The following RTN2 variants were observed in gnomAD, a reference collection of about 807,000 sequenced individuals.
The protein encoded by RTN2 is reticulon-2.
Under a neutral mutation model 63.7 loss-of-function variants are expected in RTN2, and 36 were observed. That is an observed-to-expected ratio of 0.56 (90% CI 0.43 to 0.75). The LOEUF (loss-of-function observed/expected upper bound fraction) is 0.75. RTN2 is among the 30% of genes least tolerant of loss of function. The pLI, the probability that RTN2 is intolerant of heterozygous loss-of-function variation, is 0.00. For synonymous variants in RTN2, 312 were observed against 313.0 expected (o/e 1.00, Z 0.03); for missense variants, 673 against 705.1 (o/e 0.95, Z 0.52).
intron 9 of RTN2, among the ~76,000 whole-genome samples, chr19:45,487,907 C>T (rs1421602981): frequency 6.9e-6 from 1 of 144,978 alleles, no homozygotes; most frequent in Non-Finnish European, 1.5e-5. Flanking sequence ...CGTGCCACTG[C>T]ACTCCAGTCT....
intron 5 of RTN2, among the ~76,000 whole-genome samples, chr19:45,491,923 T>C (rs35025952): frequency 0.63 from 94,897 of 151,740 alleles, 29,888 homozygotes; most frequent in East Asian, 0.77. Flanking sequence ...GCCACCGCGC[T>C]CGGTCATATA....
rs774929307 is a variant in RTN2, at chr19:45,495,131, G to C, written c.43C>G (p.Pro15Ala). Residue 15 changes from proline to alanine, a missense_variant, in exon 2 of 11, where the codon CCG (proline) becomes GCG (alanine). Coordinates refer to ENST00000245923, the MANE Select transcript of RTN2 (RefSeq NM_005619.5). ...TCAGGAGTTGAGGAGGCTGTAGACG[G>C]AGCTTCTTCTGCGAGAGGGAAAGAA... ...LPVFAHCKEAPSTASSTPDST... is the reference protein window; with the variant it reads ...LPVFAHCKEAASTASSTPDST... 6.2e-7 allele frequency: 1 copy of C among 1,614,082 alleles called. No individual in the cohort carries two copies.
chr19:45,495,911 A>T (rs921541164), intron 1 of RTN2, among the ~76,000 whole-genome samples: 2 of 152,168 alleles, frequency 1.3e-5, no homozygotes, highest in Non-Finnish European at 2.9e-5. Flanking sequence ...GAATGTTGGG[A>T]TGATACTCGA....
At chr19:45,489,651 A>T (rs1599908508) in intron 5 of RTN2, 98 bp from the exon 6 acceptor site, 8 of 714,600 alleles carry the variant, frequency 1.1e-5, no homozygotes. Flanking sequence ...TTCTCGACAC[A>T]CCTGTTTGAG....
At chr19:45,488,782 C>A in intron 7 of RTN2, 66 bp downstream of exon 7, 1 of 1,592,924 alleles carries the variant, frequency 6.3e-7, no homozygotes, top group Non-Finnish European at 8.5e-7. Flanking sequence ...AACAGTCGCC[C>A]TCCCACCCCC....
intron 5 of RTN2, 92 bp from the exon 6 acceptor site, chr19:45,489,645 C>T (rs960692632): frequency 7.9e-5 from 65 of 824,812 alleles, no homozygotes; most frequent in South Asian, 5.9e-4. Flanking sequence ...AATGACTTCT[C>T]GACACACCTG....
chr19:45,485,423 G>C lies in RTN2; in HGVS notation c.*285C>G, dbSNP rs564911299. The C allele has an allele frequency of 4.7e-5, 21 of 444,062 alleles. No homozygotes were observed. Among genetic ancestry groups the C allele is most frequent in the African/African-American group, 3.9e-4 (20 of 51,170 alleles). 27.5% of individuals were successfully genotyped at this position (444,062 alleles called of 1,614,324 possible). A position where few individuals can be genotyped will look rare whatever the true frequency, so the allele number is the denominator to read the frequency against. On this transcript the variant is annotated 3_prime_UTR_variant, in exon 11 of 11. Coordinates refer to ENST00000245923, the MANE Select transcript of RTN2 (RefSeq NM_005619.5). Reference sequence around the variant, plus strand: ...CGCCTCACGGCGCCTCCAGCGGCGGGTCCGGAAGTGCAGGGTGGTGCCCTG... The same window carrying C: ...CGCCTCACGGCGCCTCCAGCGGCGGCTCCGGAAGTGCAGGGTGGTGCCCTG...
At chr19:45,485,868 G>A in intron 10 of RTN2, 79 bp from the exon 11 acceptor site, 3 of 1,312,574 alleles carry the variant, frequency 2.3e-6, no homozygotes, top group Non-Finnish European at 3.3e-6. Flanking sequence ...GGAAAGCTGG[G>A]TGGGAAACTG....
intron 9 of RTN2, among the ~76,000 whole-genome samples, chr19:45,487,583 GTTTTT>G (rs4031036): frequency 9.5e-6 from 1 of 105,754 alleles, no homozygotes; most frequent in Non-Finnish European, 1.9e-5. Context: ...TTATTTTTTG[GTTTTT>G]TTTTTTTTTT....
At chr19:45,490,221 C>G (rs1968123974) in intron 5 of RTN2, among the ~76,000 whole-genome samples, 1 of 151,824 alleles carries the variant, frequency 6.6e-6, no homozygotes, top group South Asian at 2.1e-4. Context: ...AGGCTGGTCT[C>G]GAACTCCTGA....
In RTN2 at chr19:45,485,623, G is replaced by T; in HGVS notation, c.*85C>A. 3 of 1,086,692 alleles carry T rather than the reference G, an allele frequency of 2.8e-6. No individual in the cohort carries two copies. Among genetic ancestry groups the T allele is most frequent in the South Asian group, 2.5e-5 (2 of 79,670 alleles). The allele number at this position is 1,086,692 out of a possible 1,614,324, so 67.3% of individuals were successfully genotyped here. A position where few individuals can be genotyped will look rare whatever the true frequency, so the allele number is the denominator to read the frequency against. On this transcript the variant is annotated 3_prime_UTR_variant, in exon 11 of 11. Coordinates refer to ENST00000245923, the MANE Select transcript of RTN2 (RefSeq NM_005619.5). Reference sequence around the variant, plus strand: ...GGAAAAGGCTCGGGCCGAGGAGGGGGGTGGGTGGGAACGGACAAGAGATGG... The same window carrying T: ...GGAAAAGGCTCGGGCCGAGGAGGGGTGTGGGTGGGAACGGACAAGAGATGG...
chr19:45,493,042 T>G lies in RTN2; in HGVS notation c.1033+118A>C, dbSNP rs2239376. 167,455 of 1,056,180 alleles carry G rather than the reference T, an allele frequency of 0.16. 14,165 individuals are homozygous for G. Among genetic ancestry groups the G allele is most frequent in the South Asian group, 0.23 (18,502 of 78,870 alleles). 65.4% of individuals were successfully genotyped at this position (1,056,180 alleles called of 1,614,324 possible). ...GCCCCTCGGCCCCCTAGCCCCAGCC[T>G]GCAGCGCTGCGGAAGCAGATCAGTA... On this transcript the variant is annotated intron_variant, in intron 5 of 10. Coordinates refer to ENST00000245923, the MANE Select transcript of RTN2 (RefSeq NM_005619.5).
Position 45,485,554 on chromosome 19 carries a change from A to G in RTN2, c.*154T>C, listed in dbSNP as rs1967999763. The G allele has an allele frequency of 4.7e-6, 3 of 634,518 alleles. No individual in the cohort carries two copies. Among genetic ancestry groups the G allele is most frequent in the African/African-American group, 1.8e-5 (1 of 55,298 alleles). 39.3% of individuals were successfully genotyped at this position (634,518 alleles called of 1,614,324 possible). A position where few individuals can be genotyped will look rare whatever the true frequency, so the allele number is the denominator to read the frequency against. ...GAAATGTAGTCCTGGTCGCTCAGGT[A>G]ATTAGCGCAGAGTCCCTAGTGGGAG... On this transcript the variant is annotated 3_prime_UTR_variant, in exon 11 of 11. Transcript: ENST00000245923.
chr19:45,496,855 CG>C lies in RTN2; in HGVS notation c.-31del. ...CCCCTCGGGCCTGCATCGGGACCCC[CG>C]CCCACTCCGGCTGTGCCGCCCTGGG... On this transcript the variant is annotated 5_prime_UTR_variant, in exon 1 of 11. Coordinates refer to ENST00000245923, the MANE Select transcript of RTN2 (RefSeq NM_005619.5). 2 of 1,429,604 alleles carry C rather than the reference CG, an allele frequency of 1.4e-6. No individual in the cohort carries two copies. The highest frequency in any genetic ancestry group is 1.4e-5 in the South Asian group (1 of 69,826). 88.6% of individuals were successfully genotyped at this position (1,429,604 alleles called of 1,614,324 possible). A position where few individuals can be genotyped will look rare whatever the true frequency, so the allele number is the denominator to read the frequency against.
chr19:45,485,408 C>G lies in RTN2; in HGVS notation c.*300G>C, dbSNP rs532093070. The G allele has an allele frequency of 2.9e-5, 12 of 417,086 alleles. No homozygotes were observed. In the East Asian group the frequency reaches 5.0e-4, roughly 17 times the overall value. 25.8% of individuals were successfully genotyped at this position (417,086 alleles called of 1,614,324 possible). A position where few individuals can be genotyped will look rare whatever the true frequency, so the allele number is the denominator to read the frequency against. On this transcript the variant is annotated 3_prime_UTR_variant, in exon 11 of 11. Coordinates refer to ENST00000245923, the MANE Select transcript of RTN2 (RefSeq NM_005619.5). ...TCCAGGAGACACCAACGCCTCACGGCGCCTCCAGCGGCGGGTCCGGAAGTG... is the reference window on the plus strand; with the variant it reads ...TCCAGGAGACACCAACGCCTCACGGGGCCTCCAGCGGCGGGTCCGGAAGTG...
rs373206414 is a variant in RTN2 at position 45,486,640 on chromosome 19, T to G, written c.1498-527A>C. Among the ~76,000 whole-genome samples, 24 of 151,952 alleles carry G rather than the reference T, an allele frequency of 1.6e-4. No individual in the cohort carries two copies. The East Asian group carries it at 3.5e-3, about 22-fold the overall frequency. On this transcript the variant is annotated intron_variant, in intron 9 of 10. Transcript: ENST00000245923. Reference sequence around the variant, plus strand: ...GATTCTCCTGCCTCAGCCTCCCGAATAGCTGGGATTACAGGTGTGCACCAA... The same window carrying G: ...GATTCTCCTGCCTCAGCCTCCCGAAGAGCTGGGATTACAGGTGTGCACCAA...
chr19:45,494,006 A>C lies in RTN2; in HGVS notation c.814+160T>G. On this transcript the variant is annotated intron_variant, in intron 4 of 10. Coordinates refer to ENST00000245923, the MANE Select transcript of RTN2 (RefSeq NM_005619.5). This position sits in a 1 kb window ranked among gnomAD's most constrained non-coding sequence, Gnocchi z 5.3. ...CGCCCGGCCGGGGAAATTTTTTTAA[A>C]AAGCGGAGTTTATCACGTCTAGCCA... The C allele has an allele frequency of 8.0e-7, 1 of 1,245,698 alleles. No individual in the cohort carries two copies. Among genetic ancestry groups the C allele is most frequent in the Non-Finnish European group, 1.1e-6 (1 of 905,322 alleles). 77.2% of individuals were successfully genotyped at this position (1,245,698 alleles called of 1,614,324 possible). A position where few individuals can be genotyped will look rare whatever the true frequency, so the allele number is the denominator to read the frequency against.
intron 5 of RTN2, 122 bp from the exon 6 acceptor site, chr19:45,489,675 C>T: frequency 1.8e-6 from 1 of 554,840 alleles, no homozygotes; most frequent in Non-Finnish European, 3.0e-6. Flanking sequence ...AACCTGATTT[C>T]CTTTTTTTTT....
intron 8 of RTN2, 21 bp downstream of exon 8, chr19:45,488,616 C>T (rs964170400): frequency 5.6e-6 from 9 of 1,613,732 alleles, no homozygotes; most frequent in Non-Finnish European, 7.6e-6. Context: ...CCATTTGCCC[C>T]TTACGGCCTT....
Sources: gnomAD v4.1 joint callset for allele counts (sites outside exome capture counted in the v4.1 genomes callset) on GRCh38, gnomAD v4.1.1 for gene constraint, Gnocchi (gnomAD v3.1) non-coding constraint, MANE v1.5 for transcripts, NCBI Gene and HGNC (gene_info 2026-07-23, HGNC 2026-07-21) for gene names.